MARCHF1: variants seen among roughly 807,000 people sequenced by gnomAD.
MARCHF1 encodes membrane associated ring-CH-type finger 1.
A neutral mutation model predicts 54.2 loss-of-function variants in MARCHF1; 40 were observed. The observed-to-expected ratio is 0.74, with a 90% CI of 0.57 to 0.96. The LOEUF (loss-of-function observed/expected upper bound fraction) is 0.96. MARCHF1 is among the 40% of genes least tolerant of loss of function. The probability of loss-of-function intolerance (pLI) is 0.00; values close to 1 mark genes in which losing one functional copy is unlikely to be tolerated. For synonymous variants in MARCHF1, 236 were observed against 236.3 expected (o/e 1.00, Z 0.01); for missense variants, 586 against 656.5 (o/e 0.89, Z 1.17).
intron 1 of MARCHF1, among the ~76,000 whole-genome samples, chr4:164,252,329 AAAAAC>A (rs146653368): frequency 0.12 from 17,640 of 151,728 alleles, 1,615 homozygotes; most frequent in African/African-American, 0.25. Context: ...CCACCATCAA[AAAAAC>A]AAAACAAAAC....
intron 1 of MARCHF1, among the ~76,000 whole-genome samples, chr4:164,182,766 T>G (rs1730867626): frequency 6.6e-6 from 1 of 152,052 alleles, no homozygotes; most frequent in Non-Finnish European, 1.5e-5. Flanking sequence ...CTCCTGTTAT[T>G]AGAAATTAGT....
intron 3 of MARCHF1, among the ~76,000 whole-genome samples, chr4:163,863,215 A>G (rs1749978435): frequency 6.6e-6 from 1 of 152,070 alleles, no homozygotes; most frequent in South Asian, 2.1e-4. Flanking sequence ...TGTGAAAAAT[A>G]CAATCTACAT....
chr4:164,184,080 G>GA (rs1730903150), intron 1 of MARCHF1, among the ~76,000 whole-genome samples: 1 of 152,058 alleles, frequency 6.6e-6, no homozygotes, highest in African/African-American at 2.4e-5. Context: ...GCAATAATGG[G>GA]AAAACATAAG....
At chr4:164,370,037 G>A (rs1442434425) in intron 1 of MARCHF1, among the ~76,000 whole-genome samples, 3 of 152,158 alleles carry the variant, frequency 2.0e-5, no homozygotes, top group Non-Finnish European at 4.4e-5. Context: ...CACAGAAGAC[G>A]TTAATTATAC....
intron 2 of MARCHF1, among the ~76,000 whole-genome samples, chr4:164,055,448 A>AC (rs1754469694): frequency 6.6e-6 from 1 of 151,224 alleles, no homozygotes; most frequent in Non-Finnish European, 1.5e-5. Context: ...TGTCTCAAAA[A>AC]AAAAAAAAAA....
At chr4:163,929,991 TA>T (rs1291993107) in intron 3 of MARCHF1, among the ~76,000 whole-genome samples, 5 of 129,754 alleles carry the variant, frequency 3.9e-5, no homozygotes, top group Admixed American at 1.7e-4. Flanking sequence ...AATATATATA[TA>T]ATATATTATA....
intron 4 of MARCHF1, among the ~76,000 whole-genome samples, chr4:163,852,527 G>T (rs567617629): frequency 1.3e-5 from 2 of 152,110 alleles, no homozygotes; most frequent in Admixed American, 6.6e-5. Context: ...TGCTATCCAA[G>T]TGTAACACAT....
intron 3 of MARCHF1, among the ~76,000 whole-genome samples, chr4:163,962,645 A>C (rs1269199707): frequency 1.3e-5 from 2 of 151,980 alleles, no homozygotes; most frequent in Non-Finnish European, 2.9e-5. Flanking sequence ...TTTAAGGCAT[A>C]AAATGGAAGC....
chr4:163,825,573 A>T (rs1748826679), intron 4 of MARCHF1, among the ~76,000 whole-genome samples: 1 of 152,036 alleles, frequency 6.6e-6, no homozygotes, highest in Non-Finnish European at 1.5e-5. Flanking sequence ...GTGTATAAGC[A>T]TTCCCTTTAT....
intron 5 of MARCHF1, among the ~76,000 whole-genome samples, chr4:163,695,281 T>C (rs2111214135): frequency 6.6e-6 from 1 of 152,254 alleles, no homozygotes; most frequent in East Asian, 1.9e-4. Flanking sequence ...GAGATGAAGA[T>C]TTACAGAAGT....
At chr4:164,108,372 AT>A (rs1755754241) in intron 2 of MARCHF1, among the ~76,000 whole-genome samples, 2 of 152,048 alleles carry the variant, frequency 1.3e-5, no homozygotes, top group Non-Finnish European at 1.5e-5. Flanking sequence ...TCAAAATTTA[AT>A]TACATTATTC....
chr4:163,619,873 A>G (rs1741624391), intron 5 of MARCHF1, among the ~76,000 whole-genome samples: 1 of 152,168 alleles, frequency 6.6e-6, no homozygotes, highest in Admixed American at 6.5e-5. Flanking sequence ...GTAAAACAAA[A>G]TGTGATATAG....
intron 2 of MARCHF1, among the ~76,000 whole-genome samples, chr4:164,059,291 T>C (rs75405184): frequency 1.5e-4 from 23 of 152,226 alleles, no homozygotes; most frequent in Non-Finnish European, 2.2e-4. Flanking sequence ...TTTCCAGGCA[T>C]TGATTCAGTT....
chr4:164,342,614 T>C (rs764313058), intron 1 of MARCHF1, among the ~76,000 whole-genome samples: 17 of 151,942 alleles, frequency 1.1e-4, no homozygotes, highest in Non-Finnish European at 2.4e-4. Context: ...TACTTCTGGG[T>C]ATATATCTAC....
At chr4:164,330,480 C>T (rs1394867744) in intron 1 of MARCHF1, among the ~76,000 whole-genome samples, 1 of 152,132 alleles carries the variant, frequency 6.6e-6, no homozygotes. Flanking sequence ...CCACCCGTAG[C>T]CACAAAATGA....
chr4:163,628,752 T>A (rs577759034), intron 5 of MARCHF1, among the ~76,000 whole-genome samples: 76 of 152,090 alleles, frequency 5.0e-4, no homozygotes, highest in African/African-American at 1.7e-3. Context: ...TATACATCAA[T>A]AACAGACAAA....
intron 3 of MARCHF1, among the ~76,000 whole-genome samples, chr4:163,904,763 A>AGAGACAGAGAC (rs374872263): frequency 0.73 from 110,392 of 151,456 alleles, 42,131 homozygotes; most frequent in South Asian, 0.85. Flanking sequence ...AGGAGAGAGA[A>AGAGACAGAGAC]AGAGACAGAG....
chr4:163,533,020 CA>C (rs988505157), intron 9 of MARCHF1, among the ~76,000 whole-genome samples: 1 of 151,874 alleles, frequency 6.6e-6, no homozygotes, highest in Admixed American at 6.6e-5. Flanking sequence ...TTCAAATGAA[CA>C]AAAACTTACG....
chr4:163,811,504 A>G (rs1049426429), intron 4 of MARCHF1, among the ~76,000 whole-genome samples: 7 of 151,876 alleles, frequency 4.6e-5, no homozygotes, highest in Non-Finnish European at 1.0e-4. Flanking sequence ...AAGAAAGGAA[A>G]GAGAGAGAGA....
Sources: gnomAD v4.1 joint callset for allele counts (sites outside exome capture counted in the v4.1 genomes callset) on GRCh38, gnomAD v4.1.1 for gene constraint, MANE v1.5 for transcripts, NCBI Gene and HGNC (gene_info 2026-07-23, HGNC 2026-07-21) for gene names.